The following HDAC5 variants were observed in gnomAD, a reference collection of about 807,000 sequenced individuals.
HDAC5 encodes antigen NY-CO-9.
In HDAC5, 25 loss-of-function variants were observed where a neutral mutation model predicts 133.3. That is an observed-to-expected ratio of 0.19 (90% CI 0.14 to 0.26). The LOEUF (loss-of-function observed/expected upper bound fraction) is 0.26, where lower values mean the gene tolerates loss of function less well. Ranked by LOEUF, HDAC5 falls within the 10% of genes least tolerant of loss-of-function variation. The pLI is 1.00. For synonymous variants in HDAC5, 589 were observed against 610.8 expected (o/e 0.96, Z 0.53); for missense variants, 1,041 against 1,460.5 (o/e 0.71, Z 4.68).
chr17:44,093,136 T>G lies in HDAC5; in HGVS notation c.597A>C (p.Thr199=). 6.2e-7 allele frequency: 1 copy of G among 1,613,770 alleles called. No individual in the cohort carries two copies. Among genetic ancestry groups the G allele is most frequent in the Non-Finnish European group, 8.5e-7 (1 of 1,179,838 alleles). ...EFLLSKSKEP[T]PGGLNHSLPQ... is the part of the protein sequence containing the mutation. ...GGAGGGAATGGTTGAGGCCGCCTGG[T>G]GTGGGCTCCTTTGACTTCGACAAGA... Residue 199 remains threonine (T), a synonymous_variant, in exon 6 of 27, where the codon ACA becomes ACC. Transcript: ENST00000682912.
In HDAC5 at chr17:44,088,423, C is replaced by A. The variant is rs757747086; in HGVS notation, c.1563G>T (p.Leu521=). The change falls in exon 12 of 27, where the codon CTG becomes CTT. Residue 521 remains leucine, a synonymous_variant. Transcript: ENST00000682912. ...LVMQQQHQQF[L]EKQKQQQLQL... ...GTAGCTGCTGCTGCTTCTGCTTCTC[C>A]AGGAACTGCTGGTGCTGTTGTTGCA... The A allele has an allele frequency of 7.6e-6, 12 of 1,571,818 alleles. No individual in the cohort carries two copies. Among genetic ancestry groups the A allele is most frequent in the Non-Finnish European group, 1.0e-5 (12 of 1,159,078 alleles).
Position 44,092,277 on chromosome 17 carries a change from G to T in HDAC5, c.927C>A (p.Ser309=). The T allele has an allele frequency of 1.9e-6, 3 of 1,613,936 alleles. No individual in the cohort carries two copies. Among genetic ancestry groups the T allele is most frequent in the Non-Finnish European group, 1.7e-6 (2 of 1,179,942 alleles). ...CGGAGCCGGGTGCGCTGTTACACACGGACGACGCTATAGGAGAAGTGGCTG... is the reference window on the plus strand; with the variant it reads ...CGGAGCCGGGTGCGCTGTTACACACTGACGACGCTATAGGAGAAGTGGCTG... The part of the protein sequence containing the change: ...EITGAGPGAS[S]VCNSAPGSGP... Residue 309 remains serine, a synonymous_variant, in exon 9 of 27, where the codon TCC becomes TCA. Transcript: ENST00000682912.
chr17:44,079,825 G>GACAAGGAGCATCACTGAAAC (rs1385882959), intron 23 of HDAC5, among the ~76,000 whole-genome samples: 5 of 152,012 alleles, frequency 3.3e-5, no homozygotes, highest in African/African-American at 9.7e-5. Context: ...CCAATCCAAT[G>GACAAGGAGCATCACTGAAAC]ACAAGGAGCA....
chr17:44,088,759 C>T (rs2050790957), intron 11 of HDAC5, among the ~76,000 whole-genome samples, 161 bp from the exon 12 acceptor site: 1 of 152,156 alleles, frequency 6.6e-6, no homozygotes, highest in South Asian at 2.1e-4. Context: ...CAAACCTGAG[C>T]TCCATTCTTC....
intron 3 of HDAC5, among the ~76,000 whole-genome samples, chr17:44,101,543 A>C (rs761747557): frequency 1.2e-4 from 19 of 152,280 alleles, no homozygotes; most frequent in Non-Finnish European, 2.4e-4. Context: ...ATGTCTATAC[A>C]TAACATAAAT....
chr17:44,115,759 C>T (rs1264314042), intron 2 of HDAC5, among the ~76,000 whole-genome samples: 1 of 152,126 alleles, frequency 6.6e-6, no homozygotes, highest in African/African-American at 2.4e-5. Context: ...TTTTTTCCTT[C>T]TTTCCCCAAC....
intron 2 of HDAC5, among the ~76,000 whole-genome samples, chr17:44,112,194 G>A (rs765858667): frequency 3.9e-5 from 6 of 152,126 alleles, no homozygotes; most frequent in Non-Finnish European, 5.9e-5. Flanking sequence ...GCTCAAGTAG[G>A]AAGAGACTTG....
intron 24 of HDAC5, 131 bp from the exon 25 acceptor site, chr17:44,079,010 C>A (rs1171378116): frequency 6.7e-7 from 1 of 1,503,042 alleles, no homozygotes; most frequent in Non-Finnish European, 9.1e-7. Flanking sequence ...CAAACGCATA[C>A]TCAGAAAGCC....
chr17:44,084,276 G>A (rs2050541424), intron 16 of HDAC5, among the ~76,000 whole-genome samples: 1 of 152,190 alleles, frequency 6.6e-6, no homozygotes, highest in African/African-American at 2.4e-5. Flanking sequence ...TCTGGGGGCA[G>A]GTGGCAGGGA....
In HDAC5 at chr17:44,093,841, G is replaced by A. The variant is rs1206492803; in HGVS notation, c.95-7C>T. 6.7e-7 allele frequency: 1 copy of A among 1,482,212 alleles called. No homozygotes were observed. Among genetic ancestry groups the A allele is most frequent in the Admixed American group, 2.5e-5 (1 of 39,528 alleles). 91.8% of individuals were successfully genotyped at this position (1,482,212 alleles called of 1,614,324 possible). On this transcript the variant is annotated splice_region_variant and splice_polypyrimidine_tract_variant and intron_variant, in intron 3 of 26. Coordinates refer to ENST00000682912, the MANE Select transcript of HDAC5 (RefSeq NM_005474.5). ...AGCACCGGCTTCACCTCCACTGTGG[G>A]CAGAAGAGACAGGAAGGAGTTAGTG...
In HDAC5 at chr17:44,093,820, C is replaced by T; in HGVS notation, c.109G>A (p.Val37Met). Residue 37 changes from valine to methionine, a missense_variant, in exon 4 of 27, where the codon GTG (valine) becomes ATG (methionine). By Grantham distance (21) the Val-to-Met change is conservative. Around this residue, in one of 9 missense-constraint regions of HDAC5, gnomAD observed 93 missense variants for 98.8 expected, o/e 0.94. Transcript: ENST00000682912. Reference protein sequence around the residue: ...SIPVTVEVKPVLPRAMPSSMG... With the variant: ...SIPVTVEVKPMLPRAMPSSMG... ...GAACTGGGCATGGCTCTTGGCAGCA[C>T]CGGCTTCACCTCCACTGTGGGCAGA... 1 of 1,512,492 alleles carries T rather than the reference C, an allele frequency of 6.6e-7. No individual in the cohort carries two copies. The highest frequency in any genetic ancestry group is 8.8e-7 in the Non-Finnish European group (1 of 1,130,372). 93.7% of individuals were successfully genotyped at this position (1,512,492 alleles called of 1,614,324 possible).
Position 44,078,897 on chromosome 17 carries a change from A to T in HDAC5, c.3079-18T>A. ...GGCTGCAGCTGGCAGGGGAAAGAAG[A>T]GAAGGCTTAGGGTGGGGAGTAGGGT... is the stretch of plus-strand genomic sequence containing the variant. On this transcript the variant is annotated intron_variant, in intron 24 of 26. Transcript: ENST00000682912. 1.2e-6 allele frequency: 2 copies of T among 1,613,732 alleles called. No homozygotes were observed. Among genetic ancestry groups the T allele is most frequent in the Non-Finnish European group, 1.7e-6 (2 of 1,179,652 alleles).
At position 44,080,513 on chromosome 17, in the gene HDAC5, G is replaced by T. The variant is rs1371797553; in HGVS notation, c.2728-15C>A. On this transcript the variant is annotated splice_polypyrimidine_tract_variant and intron_variant, in intron 21 of 26. Transcript: ENST00000682912. ...CCTCCACCAACCTGGCACCAGAGTT[G>T]GGGAGAGGGCTATTCTCACCACCTG... is the stretch of plus-strand genomic sequence containing the variant. The T allele has an allele frequency of 1.9e-6, 3 of 1,613,074 alleles. No homozygotes were observed.
chr17:44,097,747 G>A (rs1000038438), intron 3 of HDAC5, among the ~76,000 whole-genome samples: 1 of 152,270 alleles, frequency 6.6e-6, no homozygotes, highest in Non-Finnish European at 1.5e-5. Flanking sequence ...CCCAGGGAAG[G>A]GCAGAGGTCC....
chr17:44,083,683 C>A (rs771427648), intron 17 of HDAC5, 31 bp from the exon 18 acceptor site: 3 of 1,592,280 alleles, frequency 1.9e-6, no homozygotes, highest in Admixed American at 1.7e-5. Context: ...TTTCAGTGTG[C>A]CCCCTGCAGG....
chr17:44,093,192 T>C lies in HDAC5; in HGVS notation c.541A>G (p.Thr181Ala). The change falls in exon 6 of 27, where the codon ACT becomes GCT. Residue 181 changes from threonine to alanine, a missense_variant. By Grantham distance (58) the Thr-to-Ala change is moderately conservative. This residue lies in a region of HDAC5 where 109 missense variants were observed against 168.0 expected (regional missense o/e 0.65). Transcript: ENST00000682912. ...EKSKESAIAS[T>A]EVKLRLQEFL... Reference sequence around the variant, plus strand: ...TCCTGGAGCCTCAGCTTTACCTCAGTGCTGGCAATGGCACCTGCAGGACAG... The same window carrying C: ...TCCTGGAGCCTCAGCTTTACCTCAGCGCTGGCAATGGCACCTGCAGGACAG... 1.2e-6 allele frequency: 2 copies of C among 1,612,486 alleles called. No homozygotes were observed. The highest frequency in any genetic ancestry group is 2.2e-5 in the South Asian group (2 of 90,878).
Position 44,092,808 on chromosome 17 carries a change from TGGGGTGGGGGG to T in HDAC5, c.642-13_642-3del, listed in dbSNP as rs754574245. On this transcript the variant is annotated splice_region_variant and splice_polypyrimidine_tract_variant and intron_variant, in intron 6 of 26. Coordinates refer to ENST00000682912, the MANE Select transcript of HDAC5 (RefSeq NM_005474.5). The stretch of plus-strand genomic sequence containing the variant: ...TCCAAAGAAGCATGGTGGGCTCCCC[TGGGGTGGGGGG>T]GGGGTGGGGATGGAAGCAGATCTAG... 1.0e-3 allele frequency: 239 copies of T among 235,996 alleles called. No homozygotes were observed. Among genetic ancestry groups the T allele is most frequent in the Non-Finnish European group, 1.4e-3 (200 of 147,008 alleles). 14.6% of individuals were successfully genotyped at this position (235,996 alleles called of 1,614,324 possible). A position where few individuals can be genotyped will look rare whatever the true frequency, so the allele number is the denominator to read the frequency against.
intron 22 of HDAC5, 55 bp downstream of exon 22, chr17:44,080,346 A>T: frequency 6.4e-7 from 1 of 1,569,306 alleles, no homozygotes; most frequent in South Asian, 1.1e-5. Flanking sequence ...TGCCCCTCCC[A>T]CTGCAGGGCC....
intron 2 of HDAC5, among the ~76,000 whole-genome samples, chr17:44,114,488 T>C (rs981748320): frequency 2.0e-5 from 3 of 150,264 alleles, no homozygotes; most frequent in Non-Finnish European, 3.0e-5. Context: ...AGAGAGAAAG[T>C]GTGAAGGTTC....
Sources: allele counts gnomAD v4.1 joint callset (sites outside exome capture counted in the v4.1 genomes callset), GRCh38; gene constraint gnomAD v4.1.1; regional missense constraint gnomAD v4.1.1; transcripts MANE v1.5; gene names NCBI Gene and HGNC (gene_info 2026-07-23, HGNC 2026-07-21).